MAF: variants seen among roughly 807,000 people sequenced by gnomAD.
MAF encodes the protein transcription factor Maf.
Under a neutral mutation model 22.0 loss-of-function variants are expected in MAF, and 10 were observed. That is an observed-to-expected ratio of 0.45 (90% CI 0.28 to 0.77). MAF has a LOEUF of 0.77. Ranked by LOEUF, MAF falls within the 30% of genes least tolerant of loss-of-function variation. MAF has a pLI of 0.12. For missense variants in MAF, 544 were observed against 548.4 expected (o/e 0.99, Z 0.08); for synonymous variants, 337 against 255.8 (o/e 1.32, Z -3.03).
chr16:79,429,464 C>G, the MAF span, among the ~76,000 whole-genome samples: 1 of 152,186 alleles, frequency 6.6e-6, no homozygotes, highest in African/African-American at 2.4e-5. Flanking sequence ...GTGCCTCCCT[C>G]GCCTGATGCC....
At chr16:79,363,789 T>C in the MAF span, among the ~76,000 whole-genome samples, 87 of 152,136 alleles carry the variant, frequency 5.7e-4, no homozygotes, top group African/African-American at 2.1e-3. Flanking sequence ...TAAAGGATCA[T>C]TAAGAGTTGA....
chr16:79,304,342 C>T, the MAF span, among the ~76,000 whole-genome samples: 1 of 152,190 alleles, frequency 6.6e-6, no homozygotes, highest in Non-Finnish European at 1.5e-5. Flanking sequence ...AGTTATACCG[C>T]TTGGACACTG....
At chr16:79,232,627 G>A in the MAF span, among the ~76,000 whole-genome samples, 1 of 151,936 alleles carries the variant, frequency 6.6e-6, no homozygotes, top group Non-Finnish European at 1.5e-5. Flanking sequence ...TGGACAGTGT[G>A]TGAAGTTTGG....
chr16:79,247,662 C>A, the MAF span, among the ~76,000 whole-genome samples: 1 of 152,154 alleles, frequency 6.6e-6, no homozygotes, highest in Non-Finnish European at 1.5e-5. Context: ...CCACTGTCAA[C>A]CCATCCTCAT....
the MAF span, among the ~76,000 whole-genome samples, chr16:79,408,944 T>G: frequency 3.3e-5 from 3 of 91,254 alleles, no homozygotes; most frequent in Non-Finnish European, 2.1e-5. Flanking sequence ...GTAGGTATTT[T>G]TTACTGCTTT....
chr16:79,231,689 A>G, the MAF span, among the ~76,000 whole-genome samples: 3 of 152,172 alleles, frequency 2.0e-5, no homozygotes, highest in South Asian at 6.2e-4. Flanking sequence ...GCTGTTCTCA[A>G]CCTTTTTGGC....
intron 1 of MAF, chr16:79,594,948 A>G (rs1913425865): frequency 9.1e-7 from 1 of 1,102,618 alleles, no homozygotes; most frequent in Non-Finnish European, 1.1e-6. Context: ...ACACAACTAT[A>G]TTTTCCTTCC....
chr16:79,444,048 G>A, the MAF span, among the ~76,000 whole-genome samples: 1 of 152,134 alleles, frequency 6.6e-6, no homozygotes, highest in African/African-American at 2.4e-5. Context: ...GTGTGAAGAA[G>A]TGTTAGTCTG....
chr16:79,561,625 G>A, the MAF span, among the ~76,000 whole-genome samples: 7 of 152,078 alleles, frequency 4.6e-5, 1 homozygote, highest in South Asian at 1.5e-3. Context: ...CTTCATCCAT[G>A]TCCCTACAAA....
chr16:79,399,827 G>C, the MAF span, among the ~76,000 whole-genome samples: 16,931 of 152,160 alleles, frequency 0.11, 995 homozygotes, highest in South Asian at 0.24. Context: ...GCCAATGTGT[G>C]CCTGTATCCT....
the MAF span, among the ~76,000 whole-genome samples, chr16:79,270,161 C>A: frequency 1.3e-5 from 2 of 151,992 alleles, no homozygotes; most frequent in African/African-American, 4.8e-5. Context: ...ACAGAAGAGA[C>A]AAAGGAAGCC....
the MAF span, among the ~76,000 whole-genome samples, chr16:79,343,408 G>A: frequency 6.6e-6 from 1 of 152,154 alleles, no homozygotes; most frequent in Non-Finnish European, 1.5e-5. Context: ...TTGGAACTGG[G>A]CAATTGTGTC....
the MAF span, among the ~76,000 whole-genome samples, chr16:79,493,939 C>T: frequency 6.6e-6 from 1 of 151,368 alleles, no homozygotes; most frequent in African/African-American, 2.4e-5. Flanking sequence ...GGCTACAATC[C>T]CAGGTTACAT....
chr16:79,400,812 GA>G, the MAF span, among the ~76,000 whole-genome samples: 1 of 152,152 alleles, frequency 6.6e-6, no homozygotes, highest in Admixed American at 6.5e-5. Flanking sequence ...TACAGCAGTC[GA>G]CTTTCAACCT....
chr16:79,335,768 T>A, the MAF span, among the ~76,000 whole-genome samples: 1 of 152,216 alleles, frequency 6.6e-6, no homozygotes, highest in African/African-American at 2.4e-5. Context: ...AGGATGGGTC[T>A]TGGCTGCTGG....
At chr16:79,597,876 A>G (rs1389682770) in intron 1 of MAF, 1 of 1,034,792 alleles carries the variant, frequency 9.7e-7, no homozygotes, top group Non-Finnish European at 1.2e-6. Flanking sequence ...TGCTAAGACA[A>G]AGTAGCAAGC....
the MAF span, among the ~76,000 whole-genome samples, chr16:79,568,397 T>C: frequency 1.3e-5 from 2 of 152,144 alleles, no homozygotes; most frequent in Non-Finnish European, 2.9e-5. Flanking sequence ...ATCTGGAAAA[T>C]GGGAAGGCCT....
chr16:79,452,566 C>G, the MAF span, among the ~76,000 whole-genome samples: 1 of 152,082 alleles, frequency 6.6e-6, no homozygotes, highest in Non-Finnish European at 1.5e-5. Context: ...AATTTACCCT[C>G]TCATTTTCTC....
chr16:79,429,520 A>C, the MAF span, among the ~76,000 whole-genome samples: 1 of 152,144 alleles, frequency 6.6e-6, no homozygotes, highest in African/African-American at 2.4e-5. Flanking sequence ...AGTCATTTCC[A>C]AAGGAAGCAG....
Sources: allele counts gnomAD v4.1 joint callset (sites outside exome capture counted in the v4.1 genomes callset), GRCh38; gene constraint gnomAD v4.1.1; transcripts MANE v1.5; gene names NCBI Gene and HGNC (gene_info 2026-07-23, HGNC 2026-07-21).